TBC1D22A: variants seen among roughly 807,000 people sequenced by gnomAD.
The protein encoded by TBC1D22A is TBC1 domain family member 22A, also known as putative GTPase activator.
In TBC1D22A, 38 loss-of-function variants were observed where a neutral mutation model predicts 60.2. That is an observed-to-expected ratio of 0.63 (90% CI 0.49 to 0.83). The LOEUF (loss-of-function observed/expected upper bound fraction) is 0.83, where lower values mean the gene tolerates loss of function less well. TBC1D22A is among the 40% of genes least tolerant of loss of function. TBC1D22A has a pLI of 0.00. For missense variants in TBC1D22A, 628 were observed against 701.0 expected, an observed-to-expected ratio of 0.90 and a Z score of 1.18; for synonymous variants, 302 against 281.7, an observed-to-expected ratio of 1.07 and a Z score of -0.72.
At chr22:47,159,452 A>G (rs1490196093) in intron 12 of TBC1D22A, among the ~76,000 whole-genome samples, 1 of 151,392 alleles carries the variant, frequency 6.6e-6, no homozygotes, top group East Asian at 1.9e-4. Flanking sequence ...ATGTATACAC[A>G]CAGACACCAC....
At chr22:47,034,036 C>T (rs1474776548) in intron 10 of TBC1D22A, among the ~76,000 whole-genome samples, 4 of 152,192 alleles carry the variant, frequency 2.6e-5, no homozygotes, top group African/African-American at 4.8e-5. Context: ...AGGGGCCCCT[C>T]GGCAGCACCG....
rs566313223 is a variant in TBC1D22A at position 46,805,571 on chromosome 22, G to A, written c.637+7951G>A. On this transcript the variant is annotated intron_variant, in intron 4 of 12. Transcript: ENST00000337137. ...GGAAGGAGCAGTCACCAGGGCAGGC[G>A]TCTTCTTACTGGGAGAGTAGGGCTG... Among the ~76,000 whole-genome samples, 8 of 152,276 alleles carry A rather than the reference G, an allele frequency of 5.3e-5. No individual in the cohort carries two copies. In the South Asian group the frequency reaches 1.2e-3, roughly 24 times the overall value.
At chr22:46,996,002 C>T (rs1402988541) in intron 9 of TBC1D22A, among the ~76,000 whole-genome samples, 2 of 152,368 alleles carry the variant, frequency 1.3e-5, no homozygotes, top group Middle Eastern at 3.4e-3. Flanking sequence ...ACGTGGACAG[C>T]TGCCCGTGTA....
chr22:47,039,464 A>G (rs1463112542), intron 11 of TBC1D22A, among the ~76,000 whole-genome samples: 3 of 152,004 alleles, frequency 2.0e-5, no homozygotes, highest in Non-Finnish European at 2.9e-5. Flanking sequence ...TTACTCTTTA[A>G]CCCCTTACAA....
At chr22:47,007,341 G>C (rs1472625521) in intron 10 of TBC1D22A, among the ~76,000 whole-genome samples, 1 of 152,198 alleles carries the variant, frequency 6.6e-6, no homozygotes, top group African/African-American at 2.4e-5. Flanking sequence ...CAGCAGGGTG[G>C]CCTGGGAACC....
At chr22:46,862,311 A>G (rs1437009928) in intron 4 of TBC1D22A, among the ~76,000 whole-genome samples, 1 of 147,084 alleles carries the variant, frequency 6.8e-6, no homozygotes, top group Non-Finnish European at 1.5e-5. Context: ...GATCTCGGGT[A>G]TGTGAAGTCA....
chr22:46,864,591 A>G (rs1490225861), intron 4 of TBC1D22A, among the ~76,000 whole-genome samples: 1 of 152,240 alleles, frequency 6.6e-6, no homozygotes, highest in Non-Finnish European at 1.5e-5. Flanking sequence ...ATAAACGATA[A>G]CAATCATCTT....
chr22:47,044,007 G>GTGCTGGGGAGGAGCCTGTCTGAGC (rs1404724778), intron 11 of TBC1D22A, among the ~76,000 whole-genome samples: 20 of 79,140 alleles, frequency 2.5e-4, no homozygotes, highest in African/African-American at 6.2e-4. Context: ...AGCAGGGCAG[G>GTGCTGGGGAGGAGCCTGTCTGAGC]GCTCCGCCTT....
intron 4 of TBC1D22A, among the ~76,000 whole-genome samples, chr22:46,852,365 C>T (rs2087326622): frequency 6.6e-6 from 1 of 152,242 alleles, no homozygotes; most frequent in South Asian, 2.1e-4. Flanking sequence ...GTGTGCCCCC[C>T]TGTCTGTGGT....
At chr22:47,025,240 T>C (rs988697909) in intron 10 of TBC1D22A, among the ~76,000 whole-genome samples, 13 of 152,248 alleles carry the variant, frequency 8.5e-5, no homozygotes, top group African/African-American at 3.1e-4. Context: ...TTGAAAACAC[T>C]GTCAACAAAC....
intron 12 of TBC1D22A, among the ~76,000 whole-genome samples, chr22:47,161,995 G>A (rs4823603): frequency 0.6 from 91,537 of 152,060 alleles, 27,754 homozygotes; most frequent in East Asian, 0.71. Context: ...TCCTCGCTCC[G>A]GACACCTCTC....
chr22:47,060,743 A>G (rs970251022), intron 11 of TBC1D22A, among the ~76,000 whole-genome samples: 10 of 152,178 alleles, frequency 6.6e-5, no homozygotes, highest in South Asian at 2.1e-4. Context: ...GCCAAATTAC[A>G]TAGGAGGAAA....
intron 12 of TBC1D22A, among the ~76,000 whole-genome samples, chr22:47,135,606 G>A (rs2066836931): frequency 6.6e-6 from 1 of 152,220 alleles, no homozygotes. Flanking sequence ...AAGGATGAGG[G>A]GCCTCGAGGC....
chr22:46,955,066 G>A (rs1023248827), intron 8 of TBC1D22A, among the ~76,000 whole-genome samples: 11 of 152,138 alleles, frequency 7.2e-5, no homozygotes, highest in Admixed American at 4.6e-4. Context: ...TTCTGGAAGC[G>A]TATTTCGTGA....
chr22:46,932,893 T>G (rs1324131554), intron 8 of TBC1D22A, among the ~76,000 whole-genome samples: 2 of 151,958 alleles, frequency 1.3e-5, no homozygotes, highest in Non-Finnish European at 2.9e-5. Flanking sequence ...CCTGGCTAAT[T>G]TTTTTATTTT....
At chr22:46,808,504 T>TTGAGA (rs1419431530) in intron 4 of TBC1D22A, among the ~76,000 whole-genome samples, 1 of 152,132 alleles carries the variant, frequency 6.6e-6, no homozygotes, top group Non-Finnish European at 1.5e-5. Flanking sequence ...AAATCCTTGG[T>TTGAGA]TTTGCATAGA....
At position 47,111,550 on chromosome 22, in the gene TBC1D22A, G is replaced by A; in HGVS notation, c.1372G>A (p.Ala458Thr). 2 of 1,614,068 alleles carry A rather than the reference G, an allele frequency of 1.2e-6. No homozygotes were observed. Among genetic ancestry groups the A allele is most frequent in the South Asian group, 2.2e-5 (2 of 91,072 alleles). Residue 458 changes from alanine (A) to threonine (T), a missense_variant, in exon 12 of 13, where the codon GCT (alanine) becomes ACT (threonine). Transcript: ENST00000337137. ...GFSHFHLYVC[A>T]AFLVRWRKEI... is the part of the protein sequence containing the mutation. ...TTCTCATTTCCACTTGTACGTGTGCGCTGCTTTTCTCGTGAGATGGAGGAA... is the reference window on the plus strand; with the variant it reads ...TTCTCATTTCCACTTGTACGTGTGCACTGCTTTTCTCGTGAGATGGAGGAA...
At chr22:47,097,916 C>T (rs879692777) in intron 11 of TBC1D22A, among the ~76,000 whole-genome samples, 1 of 152,126 alleles carries the variant, frequency 6.6e-6, no homozygotes, top group Admixed American at 6.5e-5. Context: ...ACCCTTTCAT[C>T]TGTTTACCTG....
At chr22:46,944,541 G>A (rs2072394068) in intron 8 of TBC1D22A, among the ~76,000 whole-genome samples, 1 of 152,126 alleles carries the variant, frequency 6.6e-6, no homozygotes, top group Admixed American at 6.6e-5. Flanking sequence ...TGGGACTACA[G>A]GCGCCCGCCA....
Sources: allele counts gnomAD v4.1 joint callset (sites outside exome capture counted in the v4.1 genomes callset), GRCh38; gene constraint gnomAD v4.1.1; transcripts MANE v1.5; gene names NCBI Gene and HGNC (gene_info 2026-07-23, HGNC 2026-07-21).